The following PPID variants were observed in gnomAD, a reference collection of about 807,000 sequenced individuals.
PPID encodes the protein peptidyl-prolyl cis-trans isomerase D.
In PPID, 47 loss-of-function variants were observed where a neutral mutation model predicts 48.1. The observed-to-expected ratio is 0.98, with a 90% confidence interval of 0.77 to 1.25. PPID has a LOEUF of 1.25. Among genes scored for constraint, PPID ranks in the 50% most tolerant of loss-of-function variants. The pLI is 0.00. For synonymous variants in PPID, 163 were observed against 148.8 expected (o/e 1.10, Z -0.69); for missense variants, 429 against 443.5 (o/e 0.97, Z 0.29).
Position 158,721,502 on chromosome 4 carries a change from T to G in PPID, c.86-19A>C. On this transcript the variant is annotated intron_variant, in intron 1 of 9. Transcript: ENST00000307720. The stretch of plus-strand genomic sequence containing the variant: ...CGACCAACTAAAAGAAAAGAAAATC[T>G]TGTCAGTATGCAAAACAACCAAATA... The G allele has an allele frequency of 1.2e-6, 2 of 1,610,596 alleles. No homozygotes were observed. Among genetic ancestry groups the G allele is most frequent in the Non-Finnish European group, 1.7e-6 (2 of 1,178,418 alleles).
intron 1 of PPID, among the ~76,000 whole-genome samples, chr4:158,722,573 G>A (rs1054105730): frequency 1.3e-5 from 2 of 152,328 alleles, no homozygotes; most frequent in East Asian, 1.9e-4. Flanking sequence ...GGCCAATCCA[G>A]TTACAAAGCA....
Position 158,716,825 on chromosome 4 carries a change from G to A in PPID, c.522+187C>T, listed in dbSNP as rs138063706. 1.3e-4 allele frequency among the ~76,000 whole-genome samples: 20 copies of A among 152,194 alleles called. No homozygotes were observed. The East Asian group carries it at 3.9e-3, about 29-fold the overall frequency. ...ATACAGAAAAAATTAGCCGGGTGTT[G>A]TAGCGCGCGCCTGTAATCCCTGCTA... On this transcript the variant is annotated intron_variant, in intron 4 of 9. Transcript: ENST00000307720.
In PPID at chr4:158,723,370, C is replaced by T. The variant is rs1417707290; in HGVS notation, c.-82G>A. ...CCGCCCAAACTCCAGAGTCCGTCTC[C>T]GCCGGAGACCGGCAGCGACGCTGAC... is the stretch of plus-strand genomic sequence containing the variant. On this transcript the variant is annotated 5_prime_UTR_variant, in exon 1 of 10. Coordinates refer to ENST00000307720, the MANE Select transcript of PPID (RefSeq NM_005038.3). 1.0e-5 allele frequency: 14 copies of T among 1,383,632 alleles called. No individual in the cohort carries two copies. In the Admixed American group the frequency reaches 1.7e-4, roughly 17 times the overall value. 85.7% of individuals were successfully genotyped at this position (1,383,632 alleles called of 1,614,324 possible).
intron 4 of PPID, among the ~76,000 whole-genome samples, chr4:158,716,576 A>AAAG (rs397749638): frequency 2.0e-5 from 3 of 150,982 alleles, no homozygotes; most frequent in South Asian, 2.1e-4. Context: ...AAAAAAAAAA[A>AAAG]GTGGCAGATC....
chr4:158,717,052 A>G lies in PPID; in HGVS notation c.482T>C (p.Ile161Thr). ...ACCTTTCACTTCCACATTTTCCAATATCCTTGCCACTCCTATTCCTTTAAT... is the reference window on the plus strand; with the variant it reads ...ACCTTTCACTTCCACATTTTCCAATGTCCTTGCCACTCCTATTCCTTTAAT... ...QVIKGIGVAR[I>T]LENVEVKGEK... Residue 161 changes from isoleucine to threonine, a missense_variant, in exon 4 of 10, where the codon ATA (isoleucine) becomes ACA (threonine). By Grantham distance (89) the Ile-to-Thr change is moderately conservative (BLOSUM62 -1). Coordinates refer to ENST00000307720, the MANE Select transcript of PPID (RefSeq NM_005038.3). 2 of 1,614,048 alleles carry G rather than the reference A, an allele frequency of 1.2e-6. No individual in the cohort carries two copies. Among genetic ancestry groups the G allele is most frequent in the Non-Finnish European group, 1.7e-6 (2 of 1,179,970 alleles).
At chr4:158,713,546 CATAAT>C in intron 6 of PPID, among the ~76,000 whole-genome samples, 1 of 152,144 alleles carries the variant, frequency 6.6e-6, no homozygotes, top group African/African-American at 2.4e-5. Context: ...TACTTTCCAA[CATAAT>C]TATGTTTGGA....
In PPID at chr4:158,710,667, C is replaced by G. The variant is rs766688594; in HGVS notation, c.985G>C (p.Asp329His). ...GLKEYDQALADLKKAQGIAPE... is the reference protein window; with the variant it reads ...GLKEYDQALAHLKKAQGIAPE... ...GCTATCCCCTGAGCTTTCTTAAGAT[C>G]AGCCTTTAATTGGAAAAAAACATTT... Residue 329 changes from aspartate (D) to histidine (H), a missense_variant, in exon 9 of 10, where the codon GAT becomes CAT. Physicochemically the swap from Asp to His is moderately conservative, Grantham distance 81 (BLOSUM62 -1). Transcript: ENST00000307720. 2.5e-6 allele frequency: 4 copies of G among 1,613,882 alleles called. No homozygotes were observed. Among genetic ancestry groups the G allele is most frequent in the Non-Finnish European group, 2.5e-6 (3 of 1,179,836 alleles).
chr4:158,713,162 A>G lies in PPID; in HGVS notation c.851T>C (p.Leu284Pro). 1 of 1,614,112 alleles carries G rather than the reference A, an allele frequency of 6.2e-7. No homozygotes were observed. Among genetic ancestry groups the G allele is most frequent in the Non-Finnish European group, 8.5e-7 (1 of 1,180,006 alleles). Residue 284 changes from leucine to proline, a missense_variant, in exon 7 of 10, where the codon CTG becomes CCG. By Grantham distance (98) the Leu-to-Pro change is moderately conservative. Coordinates refer to ENST00000307720, the MANE Select transcript of PPID (RefSeq NM_005038.3). ...TGCTCCCTGCCAATTTGACATCTTC[A>G]GTTTACAAGCACCAATATTCAGTAC... Reference protein sequence around the residue: ...SCVLNIGACKLKMSNWQGAID... With the variant: ...SCVLNIGACKPKMSNWQGAID...
In PPID at chr4:158,710,610, C is replaced by T. The variant is rs1400052054; in HGVS notation, c.1024+18G>A. ...TAAATAACAAAATTAACTTTCACTA[C>T]AAAAGCTGCCAACTTACCTTTATCT... On this transcript the variant is annotated intron_variant, in intron 9 of 9. Coordinates refer to ENST00000307720, the MANE Select transcript of PPID (RefSeq NM_005038.3). 1 of 1,610,596 alleles carries T rather than the reference C, an allele frequency of 6.2e-7. No homozygotes were observed. The highest frequency in any genetic ancestry group is 8.5e-7 in the Non-Finnish European group (1 of 1,177,674).
Position 158,723,341 on chromosome 4 carries a change from CG to C in PPID, c.-54del. 6.4e-7 allele frequency: 1 copy of C among 1,550,662 alleles called. No individual in the cohort carries two copies. Among genetic ancestry groups the C allele is most frequent in the South Asian group, 1.1e-5 (1 of 89,132 alleles). ...AATATCAGAGTACCTAGTGGCCGCC[CG>C]GGCCGCCCAAACTCCAGAGTCCGTC... On this transcript the variant is annotated 5_prime_UTR_variant, in exon 1 of 10. Coordinates refer to ENST00000307720, the MANE Select transcript of PPID (RefSeq NM_005038.3).
Position 158,709,658 on chromosome 4 carries a change from A to T in PPID, c.*78T>A. ...TGTCAAAAGAAACACATTAGGGATC[A>T]TATTCATAGACAAAAACCTTTACAT... is the stretch of plus-strand genomic sequence containing the variant. On this transcript the variant is annotated 3_prime_UTR_variant, in exon 10 of 10. Coordinates refer to ENST00000307720, the MANE Select transcript of PPID (RefSeq NM_005038.3). 1 of 1,079,482 alleles carries T rather than the reference A, an allele frequency of 9.3e-7. No homozygotes were observed. The highest frequency in any genetic ancestry group is 1.6e-5 in the African/African-American group (1 of 64,014). The allele number at this position is 1,079,482 out of a possible 1,614,324, so 66.9% of individuals were successfully genotyped here.
chr4:158,715,080 G>GT (rs1464607997), intron 6 of PPID, among the ~76,000 whole-genome samples: 1 of 152,080 alleles, frequency 6.6e-6, no homozygotes, highest in African/African-American at 2.4e-5. Flanking sequence ...ATTGGTGAAT[G>GT]TAAGTAAAAC....
intron 7 of PPID, among the ~76,000 whole-genome samples, chr4:158,711,270 G>A (rs747950130): frequency 1.8e-4 from 28 of 152,006 alleles, no homozygotes; most frequent in Non-Finnish European, 3.8e-4. Context: ...CTGTGGCCCA[G>A]GCTGGAGTGC....
intron 9 of PPID, chr4:158,710,198 T>C (rs1241380767): frequency 1.8e-5 from 6 of 336,348 alleles, no homozygotes; most frequent in Admixed American, 4.7e-5. Flanking sequence ...CTAAAACATA[T>C]AACCAGTACA....
chr4:158,714,913 T>C (rs1774845191), intron 6 of PPID, among the ~76,000 whole-genome samples: 1 of 152,176 alleles, frequency 6.6e-6, no homozygotes, highest in African/African-American at 2.4e-5. Context: ...ATATTATCTA[T>C]CAATATTACT....
Position 158,709,799 on chromosome 4 carries a change from G to A in PPID, c.1050C>T (p.Val350=). 1.2e-6 allele frequency: 2 copies of A among 1,610,688 alleles called. No homozygotes were observed. Among genetic ancestry groups the A allele is most frequent in the Non-Finnish European group, 1.7e-6 (2 of 1,178,096 alleles). ...DKAIQAELLK[V]KQKIKAQKDK... is the part of the protein sequence containing the mutation. ...CTTTCTGTGCCTTTATCTTTTGTTT[G>A]ACTTTCAGCAATTCTGCCTGGATAG... The change falls in exon 10 of 10, where the codon GTC becomes GTT. Residue 350 remains valine (V), a synonymous_variant. Coordinates refer to ENST00000307720, the MANE Select transcript of PPID (RefSeq NM_005038.3).
chr4:158,714,129 ATAAACT>A lies in PPID; in HGVS notation c.753-875_753-870del, dbSNP rs1451650328. The stretch of plus-strand genomic sequence containing the variant: ...AATGCTAGTTAATAACTGTACGATG[ATAAACT>A]TAGAAGTTCAGTATAACAGATTCAG... On this transcript the variant is annotated intron_variant, in intron 6 of 9. Transcript: ENST00000307720. Among the ~76,000 whole-genome samples, 23 of 152,358 alleles carry A rather than the reference ATAAACT, an allele frequency of 1.5e-4. No homozygotes were observed. The South Asian group carries it at 2.7e-3, about 18-fold the overall frequency.
intron 7 of PPID, among the ~76,000 whole-genome samples, chr4:158,712,879 T>C: frequency 6.6e-6 from 1 of 152,170 alleles, no homozygotes; most frequent in East Asian, 1.9e-4. Context: ...ATACATGAGC[T>C]GATATATGTG....
intron 3 of PPID, among the ~76,000 whole-genome samples, chr4:158,718,874 C>A (rs1448425124): frequency 1.3e-5 from 2 of 152,132 alleles, no homozygotes; most frequent in African/African-American, 4.8e-5. Context: ...GCACAAGTTA[C>A]CATCCTTCCA....
Sources: allele counts gnomAD v4.1 joint callset (sites outside exome capture counted in the v4.1 genomes callset), GRCh38; gene constraint gnomAD v4.1.1; transcripts MANE v1.5; gene names NCBI Gene and HGNC (gene_info 2026-07-23, HGNC 2026-07-21).